The following BEND2 variants were observed in gnomAD, a reference collection of about 807,000 sequenced individuals.
The protein encoded by BEND2 is BEN domain containing 2, also known as BEN domain-containing protein 2.
BEND2 carries 19 observed loss-of-function variants against 43.8 expected under a neutral mutation model. That is an observed-to-expected ratio of 0.43 (90% confidence interval 0.30 to 0.64). The LOEUF (loss-of-function observed/expected upper bound fraction) is 0.64, where lower values mean the gene tolerates loss of function less well. Among genes scored for constraint, BEND2 ranks in the 30% least tolerant of loss-of-function variants. BEND2 has a pLI of 0.11. For missense variants in BEND2, 544 were observed against 574.0 expected, an observed-to-expected ratio of 0.95 and a Z score of 0.53; for synonymous variants, 226 against 210.1, an observed-to-expected ratio of 1.08 and a Z score of -0.66.
intron 9 of BEND2, among the ~76,000 whole-genome samples, chrX:18,179,569 T>TC (rs1924304709): frequency 9.0e-6 from 1 of 110,852 alleles, no homozygotes; most frequent in Non-Finnish European, 1.9e-5. Context: ...CACTGGCCCA[T>TC]CCCCCCACCA....
Position 18,174,113 on chromosome X carries a change from T to C in BEND2, c.1898A>G (p.Asn633Ser). ...GATAGCATTACTGTTTGGCTGCAAG[T>C]TCCTCTTTTCTCTCATTTTGGAGTT... is the stretch of plus-strand genomic sequence containing the variant. The part of the protein sequence containing the change: ...MNNSKMREKR[N>S]LQPNSNAIPE... The change falls in exon 12 of 14, where the codon AAC becomes AGC. Residue 633 changes from asparagine (N) to serine (S), a missense_variant. Asn to Ser is a conservative substitution (Grantham distance 46). Coordinates refer to ENST00000380033, the MANE Select transcript of BEND2 (RefSeq NM_153346.5). 8.3e-7 allele frequency: 1 copy of C among 1,211,629 alleles called. No homozygotes were observed. The highest frequency in any genetic ancestry group is 1.1e-6 in the Non-Finnish European group (1 of 895,278).
chrX:18,172,902 T>C (rs1251573241), intron 12 of BEND2, among the ~76,000 whole-genome samples: 6 of 110,217 alleles, frequency 5.4e-5, no homozygotes, highest in African/African-American at 1.7e-4. Context: ...TGAGGAAAAA[T>C]AGATACATAT....
chrX:18,190,782 A>T (rs1175757637), intron 8 of BEND2, among the ~76,000 whole-genome samples: 1 of 109,976 alleles, frequency 9.1e-6, no homozygotes, highest in Non-Finnish European at 1.9e-5. Context: ...ACACACACAC[A>T]CACACACACT....
chrX:18,179,318 C>T (rs777094988), intron 9 of BEND2, among the ~76,000 whole-genome samples: 4 of 107,057 alleles, frequency 3.7e-5, no homozygotes, highest in East Asian at 5.9e-4. Flanking sequence ...CATGCCACCA[C>T]GCCTGGCTAA....
At chrX:18,176,161 T>C (rs1924144613) in intron 10 of BEND2, 68 bp from the exon 11 acceptor site, 1 of 1,039,963 alleles carries the variant, frequency 9.6e-7, no homozygotes, top group Non-Finnish European at 1.3e-6. Flanking sequence ...AAAATTTTTT[T>C]CTTTAAACAC....
At chrX:18,165,271 C>T in intron 13 of BEND2, 48 bp from the exon 14 acceptor site, 1 of 1,030,407 alleles carries the variant, frequency 9.7e-7, no homozygotes, top group South Asian at 2.0e-5. Context: ...AATCACTTCT[C>T]AGAGAAATCA....
chrX:18,194,976 C>A (rs958857068), intron 7 of BEND2, among the ~76,000 whole-genome samples: 3 of 76,175 alleles, frequency 3.9e-5, no homozygotes. Context: ...GTACTAAACA[C>A]ACACACACAC....
Position 18,212,568 on chromosome X carries a change from TG to T in BEND2, c.488del (p.Pro163GlnfsTer24). 8.7e-7 allele frequency: 1 copy of T among 1,142,987 alleles called. No homozygotes were observed. The highest frequency in any genetic ancestry group is 1.2e-6 in the Non-Finnish European group (1 of 834,042). 94.2% of individuals were successfully genotyped at this position (1,142,987 alleles called of 1,213,427 possible). On this transcript the variant is annotated frameshift_variant, in exon 4 of 14. Transcript: ENST00000380033. LOFTEE classifies it high-confidence loss of function. ...ATAAACAAACCATAATATCTACCTC[TG>T]GAGTATAGAATCTTCCTCTTTTTGG... Reference protein sequence around the residue: ...DFPKRGRFYTPEVQSSISPPA... With the variant: ...DFPKRGRFYTXEVQSSISPPA...
intron 8 of BEND2, among the ~76,000 whole-genome samples, chrX:18,182,242 G>A (rs907160041): frequency 6.3e-5 from 7 of 110,453 alleles, no homozygotes; most frequent in African/African-American, 2.3e-4. Context: ...AGATCTGATG[G>A]TTTAAAAGTG....
chrX:18,193,850 T>C (rs1924857663), intron 7 of BEND2, among the ~76,000 whole-genome samples: 1 of 111,410 alleles, frequency 9.0e-6, no homozygotes, highest in Non-Finnish European at 1.9e-5. Flanking sequence ...TGTCTGAGTA[T>C]TGTTTTTTAC....
chrX:18,207,332 C>T (rs974088394), intron 4 of BEND2, among the ~76,000 whole-genome samples: 7 of 111,742 alleles, frequency 6.3e-5, no homozygotes, highest in East Asian at 2.8e-4. Context: ...AGAAAATCCC[C>T]GGTAATCACA....
At position 18,201,978 on chromosome X, in the gene BEND2, A is replaced by C. The variant is rs751075218; in HGVS notation, c.908-38T>G. 7 of 1,162,214 alleles carry C rather than the reference A, an allele frequency of 6.0e-6. No homozygotes were observed. The South Asian group carries it at 1.3e-4, about 22-fold the overall frequency. On this transcript the variant is annotated intron_variant, in intron 5 of 13. Coordinates refer to ENST00000380033, the MANE Select transcript of BEND2 (RefSeq NM_153346.5). ...AGTTTTCAAGAGCTGTAATACAAGA[A>C]CTTCACCCACAAATTCTATACAAAG...
chrX:18,202,766 C>T (rs1313291282), intron 5 of BEND2, among the ~76,000 whole-genome samples: 1 of 111,906 alleles, frequency 8.9e-6, no homozygotes, highest in Non-Finnish European at 1.9e-5. Context: ...TAATATATAA[C>T]CAGCAGTTGC....
At chrX:18,165,766 T>C (rs1923807073) in intron 13 of BEND2, among the ~76,000 whole-genome samples, 1 of 111,622 alleles carries the variant, frequency 9.0e-6, no homozygotes, top group Admixed American at 9.6e-5. Context: ...CAAGGAGCAC[T>C]CTTAGAGAAA....
chrX:18,167,176 G>C (rs896938889), intron 13 of BEND2, among the ~76,000 whole-genome samples: 3 of 109,689 alleles, frequency 2.7e-5, no homozygotes, highest in Non-Finnish European at 3.8e-5. Flanking sequence ...AGCTACTCGA[G>C]AGTGTGAGGT....
At chrX:18,189,110 GA>G (rs1173510140) in intron 8 of BEND2, among the ~76,000 whole-genome samples, 3 of 106,591 alleles carry the variant, frequency 2.8e-5, no homozygotes, top group Non-Finnish European at 5.8e-5. Flanking sequence ...TGAGGTAGAA[GA>G]ATTACCTGAA....
intron 8 of BEND2, among the ~76,000 whole-genome samples, chrX:18,187,810 A>G (rs1331508094): frequency 8.9e-6 from 1 of 112,357 alleles, no homozygotes; most frequent in African/African-American, 3.2e-5. Flanking sequence ...AAATTATTCA[A>G]TTTCAAGCAT....
intron 2 of BEND2, among the ~76,000 whole-genome samples, chrX:18,215,710 C>A (rs1925654660): frequency 8.9e-6 from 1 of 112,306 alleles, no homozygotes; most frequent in African/African-American, 3.2e-5. Flanking sequence ...TTATGGCCTG[C>A]AAAGCCTAAA....
intron 6 of BEND2, among the ~76,000 whole-genome samples, chrX:18,196,720 C>A (rs1924965759): frequency 9.3e-6 from 1 of 107,560 alleles, no homozygotes; most frequent in East Asian, 2.9e-4. Context: ...AACCTACATG[C>A]CATAAGATTC....
Sources: gnomAD v4.1 joint callset for allele counts (sites outside exome capture counted in the v4.1 genomes callset) on GRCh38, gnomAD v4.1.1 for gene constraint, MANE v1.5 for transcripts, NCBI Gene and HGNC (gene_info 2026-07-23, HGNC 2026-07-21) for gene names.